The following MDN1 variants were observed in gnomAD, a reference collection of about 807,000 sequenced individuals.
MDN1 encodes midasin.
MDN1 carries 266 observed loss-of-function variants against 669.2 expected under a neutral mutation model. That is an observed-to-expected ratio of 0.40 (90% CI 0.36 to 0.44). MDN1 has a LOEUF of 0.44. MDN1 is among the 20% of genes least tolerant of loss of function. MDN1 has a pLI of 1.00. For synonymous variants in MDN1, 2,385 were observed against 2,457.1 expected (o/e 0.97, Z 0.87); for missense variants, 5,940 against 6,754.0 (o/e 0.88, Z 4.22).
intron 75 of MDN1, 61 bp downstream of exon 75, chr6:89,678,538 G>A: frequency 6.4e-7 from 1 of 1,569,690 alleles, no homozygotes; most frequent in Non-Finnish European, 8.7e-7. Context: ...AATCAGTCAT[G>A]TCATTTCTCT....
At chr6:89,787,776 T>C (rs1819044424) in intron 8 of MDN1, 78 bp downstream of exon 8, 1 of 1,087,166 alleles carries the variant, frequency 9.2e-7, no homozygotes. Context: ...AGAACTCTAT[T>C]ACAGGACCTC....
In MDN1 at chr6:89,790,339, C is replaced by T. The variant is rs528574838; in HGVS notation, c.918G>A (p.Glu306=). The T allele has an allele frequency of 1.2e-6, 2 of 1,614,144 alleles. No individual in the cohort carries two copies. The highest frequency in any genetic ancestry group is 2.7e-5 in the African/African-American group (2 of 75,034). Reference sequence around the variant, plus strand: ...GGGTCTGAAGACTTTTGCAGACAGACTCAACCAGCACATAAGACCTAAGGG... The same window carrying T: ...GGGTCTGAAGACTTTTGCAGACAGATTCAACCAGCACATAAGACCTAAGGG... The part of the protein sequence containing the change: ...ELALRSYVLV[E]SVCKSLQTLA... Residue 306 remains glutamate, a synonymous_variant, in exon 6 of 102, where the codon GAG becomes GAA. Transcript: ENST00000369393.
At chr6:89,775,725 G>A (rs1435002757) in intron 12 of MDN1, among the ~76,000 whole-genome samples, 1 of 151,984 alleles carries the variant, frequency 6.6e-6, no homozygotes, top group South Asian at 2.1e-4. Context: ...TGGATCTGTC[G>A]CCCACGTTGG....
intron 71 of MDN1, 59 bp downstream of exon 71, chr6:89,684,817 G>A (rs891717475): frequency 1.4e-4 from 153 of 1,117,656 alleles, no homozygotes; most frequent in African/African-American, 7.0e-4. Context: ...CAGGGTTAAC[G>A]AAAGAGAATT....
intron 15 of MDN1, among the ~76,000 whole-genome samples, chr6:89,768,916 G>A (rs1010883657): frequency 6.6e-6 from 1 of 152,050 alleles, no homozygotes; most frequent in Non-Finnish European, 1.5e-5. Flanking sequence ...GCTGCATGTA[G>A]TGGCTTGTGC....
Position 89,716,642 on chromosome 6 carries a change from G to T in MDN1, c.6743+8C>A. ...AGTTGGACCACTGATTAGGCATAAGGTTCTTACTTGCAGAAGTTAACATTG... is the reference window on the plus strand; with the variant it reads ...AGTTGGACCACTGATTAGGCATAAGTTTCTTACTTGCAGAAGTTAACATTG... On this transcript the variant is annotated splice_region_variant and intron_variant, in intron 44 of 101. Coordinates refer to ENST00000369393, the MANE Select transcript of MDN1 (RefSeq NM_014611.3). The T allele has an allele frequency of 5.0e-6, 8 of 1,607,664 alleles. No homozygotes were observed. The highest frequency in any genetic ancestry group is 6.8e-6 in the Non-Finnish European group (8 of 1,177,996).
intron 84 of MDN1, among the ~76,000 whole-genome samples, chr6:89,665,084 A>T (rs1302449378): frequency 6.6e-6 from 1 of 152,162 alleles, no homozygotes; most frequent in Non-Finnish European, 1.5e-5. Context: ...CCTGGAGTAC[A>T]GTGGCACAAT....
chr6:89,771,546 T>G lies in MDN1; in HGVS notation c.2144+15A>C. 1 of 1,605,834 alleles carries G rather than the reference T, an allele frequency of 6.2e-7. No individual in the cohort carries two copies. The highest frequency in any genetic ancestry group is 8.5e-7 in the Non-Finnish European group (1 of 1,175,574). ...TAAACACAAAAATAAGAAAAAAATT[T>G]TAAGCCACACTTACCCTCCAAGCAA... On this transcript the variant is annotated intron_variant, in intron 15 of 101. Coordinates refer to ENST00000369393, the MANE Select transcript of MDN1 (RefSeq NM_014611.3).
At chr6:89,706,258 A>ACC (rs1813505610) in intron 52 of MDN1, 66 bp from the exon 53 acceptor site, 1 of 1,486,720 alleles carries the variant, frequency 6.7e-7, no homozygotes, top group Non-Finnish European at 9.1e-7. Context: ...GGACATTTTC[A>ACC]AAATAAACTG....
At chr6:89,759,751 C>A (rs560429164) in intron 17 of MDN1, among the ~76,000 whole-genome samples, 2 of 151,032 alleles carry the variant, frequency 1.3e-5, no homozygotes, top group African/African-American at 4.9e-5. Context: ...GTGACAAAAG[C>A]AAAACTCCGT....
Position 89,749,595 on chromosome 6 carries a change from C to T in MDN1, c.3563G>A (p.Arg1188Gln). 3 of 1,614,098 alleles carry T rather than the reference C, an allele frequency of 1.9e-6. No homozygotes were observed. Among genetic ancestry groups the T allele is most frequent in the South Asian group, 1.1e-5 (1 of 91,086 alleles). Residue 1188 changes from arginine to glutamine, a missense_variant, in exon 25 of 102, where the codon CGG (arginine) becomes CAG (glutamine). Coordinates refer to ENST00000369393, the MANE Select transcript of MDN1 (RefSeq NM_014611.3). ...ETQEVVKAHPRFMLFATQNPP... is the reference protein window; with the variant it reads ...ETQEVVKAHPQFMLFATQNPP... ...ATTTTGGGTGGCAAAAAGCATAAAC[C>T]GAGGGTGTGCTTTAACAACTTCCTG...
intron 2 of MDN1, among the ~76,000 whole-genome samples, chr6:89,800,658 A>C (rs1232093541): frequency 6.6e-6 from 1 of 152,162 alleles, no homozygotes; most frequent in Non-Finnish European, 1.5e-5. Flanking sequence ...GAGTTCTGTG[A>C]GCTATTTTAG....
intron 15 of MDN1, among the ~76,000 whole-genome samples, chr6:89,769,380 G>A (rs1277300715): frequency 2.6e-5 from 4 of 152,076 alleles, no homozygotes; most frequent in Non-Finnish European, 5.9e-5. Flanking sequence ...CAGAAAACAA[G>A]GCACATTTCC....
At chr6:89,685,705 A>G (rs1231129795) in intron 70 of MDN1, 122 bp downstream of exon 70, 1 of 1,070,468 alleles carries the variant, frequency 9.3e-7, no homozygotes, top group South Asian at 1.6e-5. Flanking sequence ...CGCATTAAAC[A>G]TAACTAAATG....
chr6:89,764,087 A>T (rs1817687200), intron 15 of MDN1, among the ~76,000 whole-genome samples: 2 of 152,134 alleles, frequency 1.3e-5, no homozygotes, highest in African/African-American at 4.8e-5. Flanking sequence ...GTGGTGATGC[A>T]CATTTGTAGT....
intron 27 of MDN1, 40 bp from the exon 28 acceptor site, chr6:89,745,666 A>T (rs1269924714): frequency 5.0e-6 from 8 of 1,592,598 alleles, no homozygotes; most frequent in Non-Finnish European, 5.2e-6. Flanking sequence ...GGAATCATCA[A>T]GTGTCTACCG....
intron 83 of MDN1, among the ~76,000 whole-genome samples, chr6:89,669,294 T>C (rs543439411): frequency 6.6e-6 from 1 of 152,360 alleles, no homozygotes; most frequent in South Asian, 2.1e-4. Flanking sequence ...TAGTATACAG[T>C]GTTTTCTCCA....
intron 99 of MDN1, 107 bp downstream of exon 99, chr6:89,647,925 C>T: frequency 1.2e-6 from 1 of 844,072 alleles, no homozygotes; most frequent in South Asian, 1.6e-5. Context: ...TGTACTCTAG[C>T]CTGGGTGACA....
intron 10 of MDN1, among the ~76,000 whole-genome samples, chr6:89,780,641 CTTTTTTTTTT>C (rs575664748): frequency 7.6e-6 from 1 of 131,216 alleles, no homozygotes; most frequent in Non-Finnish European, 1.6e-5. Flanking sequence ...ATGCCATTTC[CTTTTTTTTTT>C]TTTTTTTTTT....
Sources: allele counts gnomAD v4.1 joint callset (sites outside exome capture counted in the v4.1 genomes callset), GRCh38; gene constraint gnomAD v4.1.1; transcripts MANE v1.5; gene names NCBI Gene and HGNC (gene_info 2026-07-23, HGNC 2026-07-21).